The following ERI1 variants were observed in gnomAD, a reference collection of about 807,000 sequenced individuals.
ERI1 encodes 3'-5' exoribonuclease 1.
A neutral mutation model predicts 39.7 loss-of-function variants in ERI1; 39 were observed. The observed-to-expected ratio is 0.98, with a 90% confidence interval of 0.76 to 1.28. ERI1 has a LOEUF of 1.28. Ranked by LOEUF, ERI1 falls within the 50% of genes most tolerant of loss-of-function variation. The pLI, the probability that ERI1 is intolerant of heterozygous loss-of-function variation, is 0.00. For synonymous variants in ERI1, 204 were observed against 149.6 expected (o/e 1.36, Z -2.65); for missense variants, 581 against 416.9 (o/e 1.39, Z -3.43).
At chr8:9,043,615 T>A (rs1019809427) in intron 3 of ERI1, among the ~76,000 whole-genome samples, 1 of 152,266 alleles carries the variant, frequency 6.6e-6, no homozygotes, top group Non-Finnish European at 1.5e-5. Context: ...AAAATTATTA[T>A]GTATTTGGTA....
At chr8:9,022,691 C>A (rs777941992) in intron 6 of ERI1, among the ~76,000 whole-genome samples, 1 of 152,182 alleles carries the variant, frequency 6.6e-6, no homozygotes, top group Middle Eastern at 3.2e-3. Context: ...TGAGCCACTG[C>A]ACCTGGCCTT....
At chr8:9,050,507 CA>C (rs35279058) in intron 3 of ERI1, among the ~76,000 whole-genome samples, 8,042 of 141,380 alleles carry the variant, frequency 0.057, 684 homozygotes, top group African/African-American at 0.19. Context: ...AACTCCATCT[CA>C]AAAAAAAAAA....
downstream of ERI1, among the ~76,000 whole-genome samples, chr8:9,035,574 T>C (rs764076944): frequency 1.3e-5 from 2 of 152,146 alleles, no homozygotes; most frequent in African/African-American, 2.4e-5. Flanking sequence ...AAAAAAAATC[T>C]GTTCAAAATA....
chr8:9,041,668 T>C (rs1055943544), intron 3 of ERI1, among the ~76,000 whole-genome samples: 1 of 152,178 alleles, frequency 6.6e-6, no homozygotes, highest in African/African-American at 2.4e-5. Context: ...CCAAAACCTA[T>C]GAGACCTAGC....
chr8:9,072,077 C>G (rs1255023947), intron 3 of ERI1, among the ~76,000 whole-genome samples: 4 of 152,116 alleles, frequency 2.6e-5, no homozygotes, highest in Non-Finnish European at 4.4e-5. Flanking sequence ...CACGTACACA[C>G]ACGCAAAAAT....
chr8:9,096,708 C>CTTTTTTTTTTTT (rs557869870), intron 3 of ERI1: 4 of 96,546 alleles, frequency 4.1e-5, no homozygotes, highest in Non-Finnish European at 5.6e-5. Context: ...CTATTGCCAT[C>CTTTTTTTTTTTT]TTTTTTTTTT....
intron 3 of ERI1, among the ~76,000 whole-genome samples, chr8:9,060,126 G>A (rs1198572915): frequency 6.6e-6 from 1 of 152,118 alleles, no homozygotes; most frequent in Admixed American, 6.6e-5. Context: ...TATTGAGGAT[G>A]GTAAGGGGTA....
chr8:9,048,311 A>G (rs1303198911), intron 3 of ERI1: 1 of 154,374 alleles, frequency 6.5e-6, no homozygotes, highest in Non-Finnish European at 1.5e-5. Context: ...GCATTAGGGA[A>G]GCAGTGATGA....
At chr8:9,075,799 AT>A (rs1799192669) in intron 3 of ERI1, among the ~76,000 whole-genome samples, 1 of 152,252 alleles carries the variant, frequency 6.6e-6, no homozygotes, top group African/African-American at 2.4e-5. Flanking sequence ...ATCTTAAAAA[AT>A]TTTTTATTTA....
At chr8:9,013,468 C>T (rs1040582015) in intron 3 of ERI1, among the ~76,000 whole-genome samples, 1 of 151,934 alleles carries the variant, frequency 6.6e-6, no homozygotes, top group African/African-American at 2.4e-5. Context: ...TTGCTGGTTC[C>T]TCCTTTCCTT....
chr8:9,033,800 C>G (rs1797747640), downstream of ERI1, among the ~76,000 whole-genome samples: 3 of 152,278 alleles, frequency 2.0e-5, no homozygotes, highest in South Asian at 6.2e-4. Flanking sequence ...CCGTTGTAGA[C>G]TTTGGCTTAA....
At chr8:9,010,219 C>T (rs1224857725) in intron 2 of ERI1, among the ~76,000 whole-genome samples, 2 of 152,186 alleles carry the variant, frequency 1.3e-5, no homozygotes, top group African/African-American at 4.8e-5. Context: ...CTATCCAGAG[C>T]AACTAGTTGT....
intron 3 of ERI1, among the ~76,000 whole-genome samples, chr8:9,060,953 T>G (rs1054354045): frequency 2.6e-5 from 4 of 152,208 alleles, no homozygotes; most frequent in Admixed American, 6.5e-5. Context: ...GGAAACCTCT[T>G]TCAGCCTGTA....
intron 3 of ERI1, among the ~76,000 whole-genome samples, chr8:9,041,402 A>G (rs1178237687): frequency 6.6e-6 from 1 of 152,210 alleles, no homozygotes; most frequent in African/African-American, 2.4e-5. Flanking sequence ...TCATCGGCAC[A>G]TGGAACATTC....
At chr8:9,017,900 T>G (rs1355233922) in intron 4 of ERI1, among the ~76,000 whole-genome samples, 1 of 152,138 alleles carries the variant, frequency 6.6e-6, no homozygotes, top group Admixed American at 6.6e-5. Context: ...CTGGCAGCAG[T>G]ATGTAGTATG....
At chr8:9,051,717 C>T (rs1236619809) in intron 3 of ERI1, among the ~76,000 whole-genome samples, 1 of 150,944 alleles carries the variant, frequency 6.6e-6, no homozygotes, top group Non-Finnish European at 1.5e-5. Context: ...TGCCTAGAAC[C>T]ACTTCTTTAG....
At chr8:9,003,752 C>G (rs796609969) in intron 1 of ERI1, among the ~76,000 whole-genome samples, 7 of 152,296 alleles carry the variant, frequency 4.6e-5, no homozygotes, top group Non-Finnish European at 7.4e-5. Context: ...GTAGAACAGT[C>G]TTAAAACTTA....
At position 9,040,019 on chromosome 8, in the gene ERI1, T is replaced by C. The variant is rs542345192; in HGVS notation, n.299+19555T>C. On this transcript the variant is annotated intron_variant and non_coding_transcript_variant, in intron 3 of 3. Transcript: ENST00000518663. ...CAGCATCACTAAACTCTTTTTGTTT[T>C]GACTGTCCAAGGGTATTTTTCCTTC... Among the ~76,000 whole-genome samples, 9 of 152,348 alleles carry C rather than the reference T, an allele frequency of 5.9e-5. No homozygotes were observed. In the South Asian group the frequency reaches 1.9e-3, roughly 32 times the overall value.
chr8:9,098,760 G>A (rs1397687698), intron 3 of ERI1, among the ~76,000 whole-genome samples: 1 of 152,114 alleles, frequency 6.6e-6, no homozygotes, highest in African/African-American at 2.4e-5. Context: ...AGAAAAAAAT[G>A]TTAAACAGCC....
Sources: allele counts gnomAD v4.1 joint callset (sites outside exome capture counted in the v4.1 genomes callset), GRCh38; gene constraint gnomAD v4.1.1; transcripts MANE v1.5; gene names NCBI Gene and HGNC (gene_info 2026-07-23, HGNC 2026-07-21).